EBPL: variants seen among roughly 807,000 people sequenced by gnomAD.
EBPL encodes EBP like, also known as emopamil-binding protein-like.
Under a neutral mutation model 19.0 loss-of-function variants are expected in EBPL, and 20 were observed. The observed-to-expected ratio is 1.05, with a 90% CI of 0.74 to 1.53. The LOEUF (loss-of-function observed/expected upper bound fraction) is 1.53. Ranked by LOEUF, EBPL falls within the 40% of genes most tolerant of loss-of-function variation. EBPL has a pLI of 0.00. For missense variants in EBPL, 219 were observed against 261.1 expected, an observed-to-expected ratio of 0.84 and a Z score of 1.11; for synonymous variants, 107 against 117.0, an observed-to-expected ratio of 0.91 and a Z score of 0.55.
At chr13:49,680,907 C>A (rs938438265) in intron 1 of EBPL, among the ~76,000 whole-genome samples, 4 of 152,050 alleles carry the variant, frequency 2.6e-5, no homozygotes, top group Non-Finnish European at 5.9e-5. Context: ...AGGTACAAAG[C>A]AAAGGATAAA....
chr13:49,679,216 C>A (rs1241307297), intron 1 of EBPL, among the ~76,000 whole-genome samples: 1 of 152,102 alleles, frequency 6.6e-6, no homozygotes, highest in Non-Finnish European at 1.5e-5. Context: ...TTTCTTCTCC[C>A]TTAAAATTGT....
At chr13:49,666,147 A>G (rs1201842852) in intron 2 of EBPL, among the ~76,000 whole-genome samples, 2 of 152,124 alleles carry the variant, frequency 1.3e-5, no homozygotes, top group African/African-American at 4.8e-5. Flanking sequence ...CAGGCTTTGC[A>G]GTAACAAGAG....
chr13:49,684,537 C>T (rs916726723), intron 1 of EBPL, among the ~76,000 whole-genome samples: 5 of 152,018 alleles, frequency 3.3e-5, no homozygotes, highest in East Asian at 1.9e-4. Flanking sequence ...TAGCTGAGCA[C>T]GGTGGCACGT....
In EBPL at chr13:49,661,144, C is replaced by T; in HGVS notation, c.445G>A (p.Glu149Lys). The change falls in exon 4 of 4, where the codon GAG (glutamate) becomes AAG (lysine). Residue 149 changes from glutamate (E) to lysine (K), a missense_variant. By Grantham distance (56) the Glu-to-Lys change is moderately conservative. Transcript: ENST00000242827. ...LYGCWMTFLP[E>K]WLTRSPNLNT... ...AGGTTGGGGCTTCTGGTGAGCCACT[C>T]TGGGAGGAAGGTCATCCAGCAGCCA... is the stretch of plus-strand genomic sequence containing the variant. 6.2e-7 allele frequency: 1 copy of T among 1,614,134 alleles called. No individual in the cohort carries two copies. Among genetic ancestry groups the T allele is most frequent in the Non-Finnish European group, 8.5e-7 (1 of 1,180,030 alleles).
At chr13:49,678,052 T>TAAA (rs879766123) in intron 1 of EBPL, among the ~76,000 whole-genome samples, 49 of 152,334 alleles carry the variant, frequency 3.2e-4, no homozygotes, top group South Asian at 1.0e-3. Context: ...CGGGGCTGGC[T>TAAA]TGGGCAGCCT....
chr13:49,681,618 T>A (rs1413311393), intron 1 of EBPL, among the ~76,000 whole-genome samples: 1 of 152,216 alleles, frequency 6.6e-6, no homozygotes, highest in Non-Finnish European at 1.5e-5. Context: ...TAACAACGTA[T>A]TTTATAGACT....
intron 1 of EBPL, among the ~76,000 whole-genome samples, chr13:49,672,248 G>A (rs1020487366): frequency 6.6e-6 from 1 of 152,210 alleles, no homozygotes; most frequent in East Asian, 1.9e-4. Flanking sequence ...AGGATGCCCT[G>A]AAGAGGCTTT....
At chr13:49,668,713 A>C (rs1272824917) in intron 2 of EBPL, 1 of 269,338 alleles carries the variant, frequency 3.7e-6, no homozygotes. Context: ...ACATGGTAGA[A>C]TATCAATGCT....
chr13:49,670,314 A>T (rs1016587943), intron 1 of EBPL, among the ~76,000 whole-genome samples: 2 of 152,150 alleles, frequency 1.3e-5, no homozygotes, highest in Admixed American at 6.5e-5. Context: ...CTTCTCCTAT[A>T]TAAGGGCAAG....
Position 49,691,407 on chromosome 13 carries a change from C to T in EBPL, c.18G>A (p.Glu6=). 1 of 1,351,072 alleles carries T rather than the reference C, an allele frequency of 7.4e-7. No homozygotes were observed. Among genetic ancestry groups the T allele is most frequent in the Non-Finnish European group, 9.5e-7 (1 of 1,051,738 alleles). 83.7% of individuals were successfully genotyped at this position (1,351,072 alleles called of 1,614,324 possible). ...GCGAACCGCCAGCCTCGGCCCCCAG[C>T]TCCCACTCAGCGCCCATGCTTCAGG... is the stretch of plus-strand genomic sequence containing the variant. The part of the protein sequence containing the change: MGAEW[E]LGAEAGGSLL... The change falls in exon 1 of 4, where the codon GAG becomes GAA. Residue 6 remains glutamate, a synonymous_variant. Coordinates refer to ENST00000242827, the MANE Select transcript of EBPL (RefSeq NM_032565.5).
intron 1 of EBPL, among the ~76,000 whole-genome samples, chr13:49,673,191 G>A (rs1953836658): frequency 6.6e-6 from 1 of 152,126 alleles, no homozygotes; most frequent in Non-Finnish European, 1.5e-5. Flanking sequence ...TTTCTGAAGG[G>A]ATAGAAGCGA....
At chr13:49,678,748 G>A (rs903308822) in intron 1 of EBPL, among the ~76,000 whole-genome samples, 1 of 152,154 alleles carries the variant, frequency 6.6e-6, no homozygotes, top group African/African-American at 2.4e-5. Context: ...GCGGGCTGAA[G>A]GGCTCCTCAA....
intron 1 of EBPL, among the ~76,000 whole-genome samples, chr13:49,674,251 C>T (rs1403574698): frequency 3.3e-5 from 5 of 151,898 alleles, no homozygotes; most frequent in East Asian, 1.9e-4. Context: ...TACAGGTGCC[C>T]GCCACCATGC....
At chr13:49,678,654 C>T (rs551657060) in intron 1 of EBPL, among the ~76,000 whole-genome samples, 2 of 151,962 alleles carry the variant, frequency 1.3e-5, no homozygotes, top group South Asian at 4.2e-4. Flanking sequence ...TTCTCGCCGG[C>T]GCCTCTCCCT....
intron 1 of EBPL, among the ~76,000 whole-genome samples, chr13:49,685,921 GA>G (rs1244965415): frequency 6.6e-6 from 1 of 152,070 alleles, no homozygotes; most frequent in Non-Finnish European, 1.5e-5. Context: ...GGGCAGTGAG[GA>G]ACAGACGGTG....
chr13:49,688,197 T>C (rs570389308), intron 1 of EBPL, among the ~76,000 whole-genome samples: 1 of 152,276 alleles, frequency 6.6e-6, no homozygotes, highest in East Asian at 1.9e-4. Context: ...CTTCTTCTAG[T>C]ATGTTGCCAT....
intron 2 of EBPL, among the ~76,000 whole-genome samples, chr13:49,664,919 T>C (rs1965203074): frequency 6.6e-6 from 1 of 152,048 alleles, no homozygotes; most frequent in Non-Finnish European, 1.5e-5. Flanking sequence ...AGCCTGTCCT[T>C]AGCTGACTGT....
intron 2 of EBPL, among the ~76,000 whole-genome samples, chr13:49,664,861 A>C (rs1965202099): frequency 6.6e-6 from 1 of 152,064 alleles, no homozygotes; most frequent in Non-Finnish European, 1.5e-5. Context: ...GATAACACAC[A>C]AGGCACATGC....
intron 1 of EBPL, among the ~76,000 whole-genome samples, chr13:49,674,880 C>T (rs746276891): frequency 5.9e-5 from 9 of 152,296 alleles, no homozygotes; most frequent in Middle Eastern, 6.8e-3. Context: ...GTACTGTGTA[C>T]ATTAACAATG....
Sources: allele counts gnomAD v4.1 joint callset (sites outside exome capture counted in the v4.1 genomes callset), GRCh38; gene constraint gnomAD v4.1.1; transcripts MANE v1.5; gene names NCBI Gene and HGNC (gene_info 2026-07-23, HGNC 2026-07-21).